Variants in WIF1 observed in about 807,000 individuals in gnomAD.
WIF1 encodes the protein Wnt inhibitory factor 1.
WIF1 carries 35 observed loss-of-function variants against 53.5 expected under a neutral mutation model. That is an observed-to-expected ratio of 0.65 (90% CI 0.50 to 0.87). The LOEUF (loss-of-function observed/expected upper bound fraction) is 0.87. Among genes scored for constraint, WIF1 ranks in the 40% least tolerant of loss-of-function variants. The pLI is 0.00. For synonymous variants in WIF1, 171 were observed against 170.4 expected (o/e 1.00, Z -0.03); for missense variants, 467 against 476.8 (o/e 0.98, Z 0.19).
chr12:65,066,596 A>T, intron 6 of WIF1, 45 bp downstream of exon 6: 2 of 1,522,292 alleles, frequency 1.3e-6, no homozygotes, highest in Non-Finnish European at 1.8e-6. Context: ...CTAATCAAAC[A>T]TTTTAAAAGT....
intron 7 of WIF1, among the ~76,000 whole-genome samples, chr12:65,060,231 G>T (rs1267064721): frequency 3.9e-5 from 6 of 152,150 alleles, no homozygotes; most frequent in African/African-American, 1.2e-4. Context: ...GTCCACACAA[G>T]CATCTCACAC....
Position 65,084,564 on chromosome 12 carries a change from A to T in WIF1, c.289-6710T>A, listed in dbSNP as rs185117515. Among the ~76,000 whole-genome samples, 338 of 152,284 alleles carry T rather than the reference A, an allele frequency of 2.2e-3. 1 individual carries two copies. The highest frequency in any genetic ancestry group is 7.4e-3 in the African/African-American group (309 of 41,556). The stretch of plus-strand genomic sequence containing the variant: ...TATGTATTATTATTTAACTTTTCAT[A>T]TGTTTATATCTTGTATTCTCATCTA... On this transcript the variant is annotated intron_variant, in intron 2 of 9. Transcript: ENST00000286574.
intron 7 of WIF1, among the ~76,000 whole-genome samples, chr12:65,060,064 G>C (rs936716134): frequency 8.6e-5 from 13 of 150,904 alleles, no homozygotes; most frequent in South Asian, 4.2e-4. Context: ...ATGAGTGCTG[G>C]TGAGGATGTG....
At chr12:65,116,822 A>G (rs1293025221) in intron 2 of WIF1, among the ~76,000 whole-genome samples, 1 of 149,974 alleles carries the variant, frequency 6.7e-6, no homozygotes, top group Non-Finnish European at 1.5e-5. Flanking sequence ...AATCCCAGCT[A>G]CTCAGGAGGC....
chr12:65,063,809 G>A (rs1012263999), intron 6 of WIF1, among the ~76,000 whole-genome samples: 1 of 151,828 alleles, frequency 6.6e-6, no homozygotes, highest in African/African-American at 2.4e-5. Context: ...AAATCCCTGG[G>A]CTTAAGGTTT....
intron 2 of WIF1, among the ~76,000 whole-genome samples, chr12:65,089,981 C>T (rs1380764389): frequency 6.6e-6 from 1 of 152,058 alleles, no homozygotes; most frequent in African/African-American, 2.4e-5. Flanking sequence ...AAAATGAATG[C>T]AAACTTTAAG....
chr12:65,067,089 GA>G (rs1385447462), intron 5 of WIF1, among the ~76,000 whole-genome samples: 5 of 151,790 alleles, frequency 3.3e-5, no homozygotes, highest in African/African-American at 1.2e-4. Flanking sequence ...TAAATGCAAA[GA>G]AGAAAAATAA....
chr12:65,090,368 T>A (rs889908320), intron 2 of WIF1, among the ~76,000 whole-genome samples: 1 of 152,214 alleles, frequency 6.6e-6, no homozygotes, highest in Non-Finnish European at 1.5e-5. Context: ...ATGTATGGAG[T>A]GTGCCAGGCA....
At chr12:65,097,783 T>C (rs1223570262) in intron 2 of WIF1, among the ~76,000 whole-genome samples, 1 of 152,216 alleles carries the variant, frequency 6.6e-6, no homozygotes, top group Non-Finnish European at 1.5e-5. Context: ...ATTTTTATAA[T>C]TACCTTAGCA....
At chr12:65,120,866 T>C (rs1433149045) in intron 1 of WIF1, among the ~76,000 whole-genome samples, 178 bp downstream of exon 1, 1 of 152,230 alleles carries the variant, frequency 6.6e-6, no homozygotes, top group Non-Finnish European at 1.5e-5. Context: ...AGATCAGCTT[T>C]GGTTTCTTAA....
In WIF1 at chr12:65,066,668, C is replaced by A. The variant is rs747146559; in HGVS notation, c.703G>T (p.Gly235Ter). Residue 235 changes from glycine (G) to a stop codon, truncating the protein, a stop_gained, in exon 6 of 10, where the codon GGA (glycine) becomes TGA (stop). Transcript: ENST00000286574. LOFTEE classifies it high-confidence loss of function. The stretch of plus-strand genomic sequence containing the variant: ...TTGTCACAGTTCACTCCATAGAATC[C>A]AGGTGGGCAGATGCAGAAACCAGGA... ...VTPGFCICPP[G>*]FYGVNCDKAN... is the part of the protein sequence containing the mutation. The A allele has an allele frequency of 6.2e-7, 1 of 1,610,262 alleles. No individual in the cohort carries two copies. Among genetic ancestry groups the A allele is most frequent in the Admixed American group, 1.7e-5 (1 of 59,624 alleles).
chr12:65,104,153 TGGCA>T (rs376576704), intron 2 of WIF1, among the ~76,000 whole-genome samples: 186 of 152,296 alleles, frequency 1.2e-3, no homozygotes, highest in African/African-American at 4.3e-3. Flanking sequence ...GAAGAGCGGC[TGGCA>T]GACAGTAAAT....
chr12:65,051,671 T>C (rs144155568), intron 9 of WIF1, among the ~76,000 whole-genome samples: 6 of 152,342 alleles, frequency 3.9e-5, no homozygotes, highest in African/African-American at 9.6e-5. Context: ...CAGGTTTCCA[T>C]TGGATTTCTC....
intron 2 of WIF1, among the ~76,000 whole-genome samples, chr12:65,080,773 T>C (rs1465794612): frequency 3.3e-5 from 5 of 152,196 alleles, no homozygotes. Flanking sequence ...CATATAATGA[T>C]GGAAAAGAAA....
At chr12:65,055,027 G>A (rs975320541) in intron 9 of WIF1, 91 bp downstream of exon 9, 6 of 1,324,438 alleles carry the variant, frequency 4.5e-6, no homozygotes, top group Admixed American at 4.4e-5. Flanking sequence ...CCAAGAAACC[G>A]AAGTGAAAAG....
intron 2 of WIF1, among the ~76,000 whole-genome samples, chr12:65,080,717 G>C (rs1882935948): frequency 1.3e-5 from 2 of 152,108 alleles, no homozygotes; most frequent in Admixed American, 1.3e-4. Flanking sequence ...ATAAACTTGG[G>C]TGTAATGCAC....
Position 65,062,477 on chromosome 12 carries a change from TC to T in WIF1, c.826+3del. On this transcript the variant is annotated splice_donor_region_variant and intron_variant, in intron 7 of 9. Coordinates refer to ENST00000286574, the MANE Select transcript of WIF1 (RefSeq NM_007191.5). ...TCAAAAGAACGCAGAAAGTCAATAC[TC>T]ACTGATTTCACACTGCTCTCCCTCT... The T allele has an allele frequency of 6.2e-7, 1 of 1,602,250 alleles. No homozygotes were observed.
At chr12:65,084,591 ATGTTGGATTCC>A (rs1405877279) in intron 2 of WIF1, among the ~76,000 whole-genome samples, 1 of 152,192 alleles carries the variant, frequency 6.6e-6, no homozygotes, top group African/African-American at 2.4e-5. Context: ...TCTCATCTAA[ATGTTGGATTCC>A]TGTGGCTAAG....
At chr12:65,113,246 C>T (rs982593569) in intron 2 of WIF1, among the ~76,000 whole-genome samples, 68 of 152,202 alleles carry the variant, frequency 4.5e-4, no homozygotes, top group African/African-American at 1.3e-3. Flanking sequence ...TCCAGAGGTC[C>T]GGCAACAGGA....
Sources: gnomAD v4.1 joint callset for allele counts (sites outside exome capture counted in the v4.1 genomes callset) on GRCh38, gnomAD v4.1.1 for gene constraint, MANE v1.5 for transcripts, NCBI Gene and HGNC (gene_info 2026-07-23, HGNC 2026-07-21) for gene names.